Variants in C13orf42 observed in about 807,000 individuals in gnomAD.
C13orf42 encodes uncharacterized protein C13orf42.
intron 1 of C13orf42, among the ~76,000 whole-genome samples, chr13:51,141,550 A>G (rs61956846): frequency 0.019 from 2,915 of 152,280 alleles, 49 homozygotes; most frequent in East Asian, 0.092. Context: ...TTGTAATCTC[A>G]GTACTTTGGG....
chr13:51,126,723 T>C (rs1953580484), intron 1 of C13orf42, among the ~76,000 whole-genome samples: 1 of 151,848 alleles, frequency 6.6e-6, no homozygotes, highest in African/African-American at 2.4e-5. Flanking sequence ...ACGATGGGAG[T>C]GAATTACCAG....
chr13:51,105,903 C>A (rs1005131852), intron 1 of C13orf42, among the ~76,000 whole-genome samples: 7 of 152,194 alleles, frequency 4.6e-5, no homozygotes, highest in Admixed American at 2.6e-4. Flanking sequence ...GAAGCTAATT[C>A]AGCTGCCATA....
In C13orf42 at chr13:51,083,998, T is replaced by C; in HGVS notation, c.*153A>G. ...GTCCCCTGGGAAGCCACAGGTCTGT[T>C]TGGCACTGGCACGGCACCAGCAGGC... is the stretch of plus-strand genomic sequence containing the variant. On this transcript the variant is annotated 3_prime_UTR_variant, in exon 4 of 4. Transcript: ENST00000563710. 2.5e-6 allele frequency: 1 copy of C among 393,260 alleles called. No individual in the cohort carries two copies. Among genetic ancestry groups the C allele is most frequent in the Non-Finnish European group, 4.5e-6 (1 of 223,174 alleles). 24.4% of individuals were successfully genotyped at this position (393,260 alleles called of 1,614,324 possible).
At chr13:51,121,765 G>T (rs1489553072) in intron 1 of C13orf42, among the ~76,000 whole-genome samples, 1 of 152,076 alleles carries the variant, frequency 6.6e-6, no homozygotes, top group African/African-American at 2.4e-5. Flanking sequence ...TCAAACTCCT[G>T]ACCTTGTGAT....
chr13:51,114,645 T>TAGAG (rs750768864), upstream of C13orf42, among the ~76,000 whole-genome samples: 70 of 120,528 alleles, frequency 5.8e-4, no homozygotes, highest in African/African-American at 1.9e-3. Flanking sequence ...GATAGATAGA[T>TAGAG]AGAGATAGAC....
rs535929615 is a variant in C13orf42 at position 51,089,072 on chromosome 13, G to A, written c.415-997C>T. Among the ~76,000 whole-genome samples, 106 of 152,168 alleles carry A rather than the reference G, an allele frequency of 7.0e-4. 1 individual carries two copies. Among genetic ancestry groups the A allele is most frequent in the Non-Finnish European group, 1.4e-3 (92 of 68,026 alleles). ...AAAAAAGGGACAGATGTGTTAACAT[G>A]GGCATTTTGATTCAATGTAGAGTTA... On this transcript the variant is annotated intron_variant, in intron 1 of 3. Transcript: ENST00000563710.
rs1953849050 is a variant in C13orf42 at position 51,159,592 on chromosome 13, T to C, written n.136+12661A>G. 2.6e-5 allele frequency among the ~76,000 whole-genome samples: 4 copies of C among 152,196 alleles called. No individual in the cohort carries two copies. The South Asian group carries it at 8.3e-4, about 32-fold the overall frequency. On this transcript the variant is annotated intron_variant and non_coding_transcript_variant, in intron 1 of 4. Transcript: ENST00000433280. ...GTTGCCACTGTCATTGTTATTCCACTGCTGTGCTGAGATCTCAGGGTTATT... is the reference window on the plus strand; with the variant it reads ...GTTGCCACTGTCATTGTTATTCCACCGCTGTGCTGAGATCTCAGGGTTATT...
At chr13:51,112,889 A>G (rs902948290), upstream of C13orf42, among the ~76,000 whole-genome samples, 1 of 152,108 alleles carries the variant, frequency 6.6e-6, no homozygotes, top group Non-Finnish European at 1.5e-5. Flanking sequence ...GTTCCCAGGT[A>G]TCCAGGGGAA....
chr13:51,114,107 C>A (rs1953462484), upstream of C13orf42, among the ~76,000 whole-genome samples: 1 of 152,220 alleles, frequency 6.6e-6, no homozygotes, highest in Non-Finnish European at 1.5e-5. Flanking sequence ...GGGGCAGCCA[C>A]AGGCAGCAGG....
At chr13:51,104,015 T>C (rs957883833) in intron 1 of C13orf42, among the ~76,000 whole-genome samples, 2 of 152,242 alleles carry the variant, frequency 1.3e-5, no homozygotes, top group African/African-American at 4.8e-5. Context: ...CGCTTTAAAA[T>C]AGTTAAAATG....
At chr13:51,095,309 T>TCGC (rs903474491) in intron 1 of C13orf42, among the ~76,000 whole-genome samples, 1 of 104,722 alleles carries the variant, frequency 9.5e-6, no homozygotes, top group East Asian at 2.3e-4. Context: ...ATCACTGTTG[T>TCGC]TGCTGTTGTT....
chr13:51,110,624 C>A (rs1953417155), intron 1 of C13orf42, among the ~76,000 whole-genome samples, 172 bp downstream of exon 1: 1 of 152,206 alleles, frequency 6.6e-6, no homozygotes, highest in African/African-American at 2.4e-5. Context: ...GGCTTAGCCA[C>A]CCTTCCCCAG....
At chr13:51,145,729 C>G (rs1055235962) in intron 1 of C13orf42, among the ~76,000 whole-genome samples, 7 of 39,632 alleles carry the variant, frequency 1.8e-4, no homozygotes, top group Non-Finnish European at 3.6e-4. Context: ...AAGAATATAA[C>G]CATTTATGTA....
chr13:51,130,306 G>A (rs542810652), intron 1 of C13orf42, among the ~76,000 whole-genome samples: 15 of 152,268 alleles, frequency 9.9e-5, no homozygotes, highest in Non-Finnish European at 2.2e-4. Context: ...TTATTTTGGA[G>A]CATTAGATTC....
rs757895392 is a variant in C13orf42, at chr13:51,085,531, C to T, written c.591G>A (p.Leu197=). ...GTGCCCGCAGGATCCAGTTAGAATGCAAGCTGTGCTCCCTGGAGCTGGTGG... is the reference window on the plus strand; with the variant it reads ...GTGCCCGCAGGATCCAGTTAGAATGTAAGCTGTGCTCCCTGGAGCTGGTGG... ...DVATSSREHS[L]HSNWILRAPR... is the part of the protein sequence containing the mutation. The change falls in exon 3 of 4, where the codon TTG becomes TTA. Residue 197 remains leucine, a synonymous_variant. Transcript: ENST00000563710. The T allele has an allele frequency of 9.0e-5, 36 of 398,606 alleles. No individual in the cohort carries two copies. The East Asian group carries it at 1.0e-3, about 11-fold the overall frequency. 24.7% of individuals were successfully genotyped at this position (398,606 alleles called of 1,614,324 possible). A position where few individuals can be genotyped will look rare whatever the true frequency, so the allele number is the denominator to read the frequency against.
At chr13:51,162,692 C>G (rs902723974) in intron 1 of C13orf42, among the ~76,000 whole-genome samples, 1 of 152,158 alleles carries the variant, frequency 6.6e-6, no homozygotes, top group Admixed American at 6.5e-5. Flanking sequence ...TGGAAGCTGG[C>G]AAAGAAGGAG....
chr13:51,150,746 G>A, intron 1 of C13orf42, among the ~76,000 whole-genome samples: 1 of 152,146 alleles, frequency 6.6e-6, no homozygotes, highest in East Asian at 1.9e-4. Flanking sequence ...AACAACTGGG[G>A]CTATGTTGTT....
intron 1 of C13orf42, among the ~76,000 whole-genome samples, chr13:51,147,555 C>A (rs1953745960): frequency 6.6e-6 from 1 of 152,088 alleles, no homozygotes; most frequent in Non-Finnish European, 1.5e-5. Context: ...CATAGTGGAA[C>A]CCCATCTCTA....
upstream of C13orf42, among the ~76,000 whole-genome samples, chr13:51,116,072 A>AT (rs939444732): frequency 2.8e-5 from 4 of 143,618 alleles, no homozygotes; most frequent in African/African-American, 1.0e-4. Flanking sequence ...ACCTCTAATA[A>AT]AAAAAAAAAA....
Sources: gnomAD v4.1 joint callset for allele counts (sites outside exome capture counted in the v4.1 genomes callset) on GRCh38, gnomAD v4.1.1 for gene constraint, MANE v1.5 for transcripts, NCBI Gene and HGNC (gene_info 2026-07-23, HGNC 2026-07-21) for gene names.